The following ZNF729 variants were observed in gnomAD, a reference collection of about 807,000 sequenced individuals.
The protein encoded by ZNF729 is zinc finger protein 729.
Under a neutral mutation model 12.2 loss-of-function variants are expected in ZNF729, and 15 were observed. That is an observed-to-expected ratio of 1.23 (90% CI 0.82 to 1.89). ZNF729 has a LOEUF of 1.89. Among genes scored for constraint, ZNF729 ranks in the 40% most tolerant of loss-of-function variants. ZNF729 has a pLI of 0.00. For synonymous variants in ZNF729, 492 were observed against 476.3 expected, an observed-to-expected ratio of 1.03 and a Z score of -0.43; for missense variants, 1,540 against 1,456.7, an observed-to-expected ratio of 1.06 and a Z score of -0.93.
chr19:22,295,561 C>T (rs891737046), intron 1 of ZNF729, among the ~76,000 whole-genome samples: 2 of 151,928 alleles, frequency 1.3e-5, no homozygotes, highest in Non-Finnish European at 2.9e-5. Context: ...CCACTACGCC[C>T]GGCTGATTTT....
chr19:22,312,478 T>TGTGTGTG lies in ZNF729; in HGVS notation c.254-1193_254-1192insGTGTGTG, dbSNP rs1568576354. On this transcript the variant is annotated intron_variant, in intron 3 of 3. Coordinates refer to ENST00000601693, the MANE Select transcript of ZNF729 (RefSeq NM_001242680.2). Reference sequence around the variant, plus strand: ...TGTGTGTGTGTGTGTGTGTGTGTGTTTAGATAAAGAACGTTATTCAGGTTT... The same window carrying TGTGTGTG: ...TGTGTGTGTGTGTGTGTGTGTGTGTTGTGTGTGTAGATAAAGAACGTTATTCAGGTTT... Among the ~76,000 whole-genome samples, 994 of 102,408 alleles carry TGTGTGTG rather than the reference T, an allele frequency of 9.7e-3. 15 individuals are homozygous for TGTGTGTG. The highest frequency in any genetic ancestry group is 0.049 in the African/African-American group (962 of 19,784). 67.2% of individuals were successfully genotyped at this position (102,408 alleles called of 152,430 possible).
Position 22,314,949 on chromosome 19 carries a change from C to G in ZNF729, c.1532C>G (p.Thr511Ser). Residue 511 changes from threonine (T) to serine (S), a missense_variant, in exon 4 of 4, where the codon ACT becomes AGT. Transcript: ENST00000601693. ...CTTAGAAGACATAAGATAATTCATA[C>G]TGGAAAGAAACCCTACAAATGTGAA... ...SDLRRHKIIH[T>S]GKKPYKCEEC... 3 of 1,612,398 alleles carry G rather than the reference C, an allele frequency of 1.9e-6. No homozygotes were observed. The highest frequency in any genetic ancestry group is 2.5e-6 in the Non-Finnish European group (3 of 1,179,724).
chr19:22,296,621 T>C (rs1306534105), intron 1 of ZNF729, among the ~76,000 whole-genome samples: 2 of 152,112 alleles, frequency 1.3e-5, no homozygotes, highest in Non-Finnish European at 2.9e-5. Flanking sequence ...TCTGATCTTA[T>C]TTATTTATTT....
rs1968556223 is a variant in ZNF729, at chr19:22,316,946, A to G, written c.3529A>G (p.Arg1177Gly). 1.3e-5 allele frequency: 21 copies of G among 1,612,956 alleles called. No homozygotes were observed. The highest frequency in any genetic ancestry group is 1.8e-5 in the Non-Finnish European group (21 of 1,179,960). ...CTTTAACCAGTCCTCACACCTTACT[A>G]GACACAAAACAATTCATACTGGAGA... ...KAFNQSSHLT[R>G]HKTIHTGEKP... Residue 1177 changes from arginine (R) to glycine (G), a missense_variant, in exon 4 of 4, where the codon AGA (arginine) becomes GGA (glycine). Coordinates refer to ENST00000601693, the MANE Select transcript of ZNF729 (RefSeq NM_001242680.2).
chr19:22,308,756 A>T (rs1210437066), intron 3 of ZNF729, among the ~76,000 whole-genome samples: 1 of 151,860 alleles, frequency 6.6e-6, no homozygotes, highest in African/African-American at 2.4e-5. Context: ...TGCATTGTAG[A>T]TTCCAGATAT....
chr19:22,315,789 C>A lies in ZNF729; in HGVS notation c.2372C>A (p.Thr791Asn). ...CTTATGAAACATAAGGTAATTCATACTGGAGAGAAACCCTACAAGTGTGAA... is the reference window on the plus strand; with the variant it reads ...CTTATGAAACATAAGGTAATTCATAATGGAGAGAAACCCTACAAGTGTGAA... ...SALMKHKVIH[T>N]GEKPYKCEEC... is the part of the protein sequence containing the mutation. The change falls in exon 4 of 4, where the codon ACT becomes AAT. Residue 791 changes from threonine (T) to asparagine (N), a missense_variant. Physicochemically the swap from Thr to Asn is moderately conservative, Grantham distance 65. Transcript: ENST00000601693. 1 of 1,610,318 alleles carries A rather than the reference C, an allele frequency of 6.2e-7. No individual in the cohort carries two copies. Among genetic ancestry groups the A allele is most frequent in the Non-Finnish European group, 8.5e-7 (1 of 1,179,596 alleles).
At chr19:22,307,296 G>A (rs1003577926) in intron 3 of ZNF729, among the ~76,000 whole-genome samples, 3 of 141,858 alleles carry the variant, frequency 2.1e-5, no homozygotes, top group Non-Finnish European at 4.5e-5. Flanking sequence ...ATGAGCCACT[G>A]TGCGTGTCCA....
At chr19:22,306,759 G>A (rs1259470978) in intron 3 of ZNF729, among the ~76,000 whole-genome samples, 1 of 151,072 alleles carries the variant, frequency 6.6e-6, no homozygotes, top group Non-Finnish European at 1.5e-5. Context: ...ATTTCATATT[G>A]TGTATTCAGA....
intron 3 of ZNF729, 87 bp from the exon 4 acceptor site, chr19:22,313,584 G>GT (rs1395364734): frequency 1.8e-5 from 22 of 1,232,680 alleles, no homozygotes; most frequent in Admixed American, 3.5e-5. Flanking sequence ...ATCTTATGTG[G>GT]TTTGCATAAT....
Position 22,316,841 on chromosome 19 carries a change from A to C in ZNF729, c.3424A>C (p.Ser1142Arg). Reference sequence around the variant, plus strand: ...ATGTGAAGAATGTGGCAAAGCCTTTAGTCAGTCCTCAATCCTTACTAAACA... The same window carrying C: ...ATGTGAAGAATGTGGCAAAGCCTTTCGTCAGTCCTCAATCCTTACTAAACA... ...YKCEECGKAF[S>R]QSSILTKHKI... The change falls in exon 4 of 4, where the codon AGT becomes CGT. Residue 1142 changes from serine to arginine, a missense_variant. Physicochemically the swap from Ser to Arg is moderately radical, Grantham distance 110 (BLOSUM62 -1). Transcript: ENST00000601693. 6.2e-7 allele frequency: 1 copy of C among 1,613,002 alleles called. No individual in the cohort carries two copies. The highest frequency in any genetic ancestry group is 8.5e-7 in the Non-Finnish European group (1 of 1,179,894).
rs147914924 is a variant in ZNF729, at chr19:22,303,731, A to G, written c.31-27A>G. The G allele has an allele frequency of 5.9e-4, 898 of 1,518,526 alleles. 12 individuals are homozygous for G. In the East Asian group the frequency reaches 0.02, roughly 33 times the overall value. The allele number at this position is 1,518,526 out of a possible 1,614,324, so 94.1% of individuals were successfully genotyped here. A position where few individuals can be genotyped will look rare whatever the true frequency, so the allele number is the denominator to read the frequency against. On this transcript the variant is annotated intron_variant, in intron 1 of 3. Transcript: ENST00000601693. ...CTGCCCATGGCCACTTGGGAAATGT[A>G]TATGTGTCTTTCGTTGTGTTTTTCA...
intron 3 of ZNF729, among the ~76,000 whole-genome samples, chr19:22,308,109 TA>T (rs558449967): frequency 2.0e-5 from 3 of 152,164 alleles, no homozygotes; most frequent in Non-Finnish European, 4.4e-5. Context: ...AGTGAGAACA[TA>T]AGATGTTTGG....
chr19:22,313,963 T>C lies in ZNF729; in HGVS notation c.546T>C (p.Cys182=), dbSNP rs1968484388. The C allele has an allele frequency of 6.5e-7, 1 of 1,537,766 alleles. No homozygotes were observed. Residue 182 remains cysteine (C), a synonymous_variant, in exon 4 of 4, where the codon TGT becomes TGC. Transcript: ENST00000601693. ...VRHTKKKTFK[C]IKCSKSFFML... ...ACACTAAAAAGAAAACTTTCAAATG[T>C]ATAAAATGTAGCAAATCATTTTTCA...
rs755943704 is a variant in ZNF729 at position 22,303,780 on chromosome 19, T to A, written c.53T>A (p.Val18Glu). 17 of 1,571,382 alleles carry A rather than the reference T, an allele frequency of 1.1e-5. No homozygotes were observed. Among genetic ancestry groups the A allele is most frequent in the Non-Finnish European group, 1.5e-5 (17 of 1,153,542 alleles). ...CAGGGACCATTGACATTTAGAGATG[T>A]GACCATAGAATTCTCTCTGGAGGAG... ...LEMGPLTFRD[V>E]TIEFSLEEWQ... The change falls in exon 2 of 4, where the codon GTG becomes GAG. Residue 18 changes from valine (V) to glutamate (E), a missense_variant. Coordinates refer to ENST00000601693, the MANE Select transcript of ZNF729 (RefSeq NM_001242680.2).
Position 22,316,075 on chromosome 19 carries a change from TA to T in ZNF729, c.2661del (p.Ala888LeufsTer13), listed in dbSNP as rs1968535370. 1 of 1,609,114 alleles carries T rather than the reference TA, an allele frequency of 6.2e-7. No homozygotes were observed. On this transcript the variant is annotated frameshift_variant, in exon 4 of 4. Coordinates refer to ENST00000601693, the MANE Select transcript of ZNF729 (RefSeq NM_001242680.2). LOFTEE classifies it low-confidence loss of function (END_TRUNC). ...AACCATACAAATGTGAAGAATGTGGTAAAGCTTTTAAGTGGTTGTCAAAACT... is the reference window on the plus strand; with the variant it reads ...AACCATACAAATGTGAAGAATGTGGTAAGCTTTTAAGTGGTTGTCAAAACT... ...EKPYKCEECG[K>X]AFKWLSKLTV...
In ZNF729 at chr19:22,314,279, G is replaced by A; in HGVS notation, c.862G>A (p.Gly288Arg). The A allele has an allele frequency of 6.2e-7, 1 of 1,610,184 alleles. No individual in the cohort carries two copies. Among genetic ancestry groups the A allele is most frequent in the South Asian group, 1.1e-5 (1 of 90,902 alleles). ...TACTGACCATAAGAGAATTCATACT[G>A]GAGAGAAAACCTACAAATGTGAAGA... ...NLTDHKRIHT[G>R]EKTYKCEECG... is the part of the protein sequence containing the mutation. Residue 288 changes from glycine (G) to arginine (R), a missense_variant, in exon 4 of 4, where the codon GGA becomes AGA. Transcript: ENST00000601693.
chr19:22,306,039 C>G (rs966671833), intron 3 of ZNF729, among the ~76,000 whole-genome samples: 1 of 152,104 alleles, frequency 6.6e-6, no homozygotes, highest in African/African-American at 2.4e-5. Flanking sequence ...TGGTCTCACA[C>G]TCCTGGAGTC....
In ZNF729 at chr19:22,304,764, G is replaced by A. The variant is rs1449191356; in HGVS notation, c.234G>A (p.Glu78=). ...AGCCTTGGAATATGAAGAGACATGA[G>A]ATGGTAACTAAACCCCCAGGTATGT... is the stretch of plus-strand genomic sequence containing the variant. ...GKEPWNMKRH[E]MVTKPPVMRS... is the part of the protein sequence containing the mutation. The change falls in exon 3 of 4, where the codon GAG becomes GAA. Residue 78 remains glutamate (E), a synonymous_variant. Transcript: ENST00000601693. The A allele has an allele frequency of 3.1e-6, 5 of 1,613,168 alleles. No individual in the cohort carries two copies. The highest frequency in any genetic ancestry group is 2.2e-5 in the East Asian group (1 of 44,812).
At position 22,315,651 on chromosome 19, in the gene ZNF729, G is replaced by T. The variant is rs199936769; in HGVS notation, c.2234G>T (p.Cys745Phe). ...TAEKPCKCEECGKSFKHFSAL... is the reference protein window; with the variant it reads ...TAEKPCKCEEFGKSFKHFSAL... ...GAGAAACCCTGCAAATGTGAAGAATGTGGCAAATCTTTTAAGCATTTCTCA... is the reference window on the plus strand; with the variant it reads ...GAGAAACCCTGCAAATGTGAAGAATTTGGCAAATCTTTTAAGCATTTCTCA... The change falls in exon 4 of 4, where the codon TGT becomes TTT. Residue 745 changes from cysteine to phenylalanine, a missense_variant. Physicochemically the swap from Cys to Phe is radical, Grantham distance 205. Coordinates refer to ENST00000601693, the MANE Select transcript of ZNF729 (RefSeq NM_001242680.2). 604 of 1,608,604 alleles carry T rather than the reference G, an allele frequency of 3.8e-4. 1 individual carries two copies. Among genetic ancestry groups the T allele is most frequent in the Middle Eastern group, 1.6e-3 (10 of 6,076 alleles).
Sources: allele counts gnomAD v4.1 joint callset (sites outside exome capture counted in the v4.1 genomes callset), GRCh38; gene constraint gnomAD v4.1.1; transcripts MANE v1.5; gene names NCBI Gene and HGNC (gene_info 2026-07-23, HGNC 2026-07-21).